AKR1B1: variants seen among roughly 807,000 people sequenced by gnomAD.
The protein encoded by AKR1B1 is aldo-keto reductase family 1 member B.
In AKR1B1, 22 loss-of-function variants were observed where a neutral mutation model predicts 40.4. The ratio of observed to expected loss-of-function variants is 0.54; its 90% confidence interval spans 0.39 to 0.78. The LOEUF (loss-of-function observed/expected upper bound fraction) is 0.78. AKR1B1 is among the 30% of genes least tolerant of loss of function. The pLI, the probability that AKR1B1 is intolerant of heterozygous loss-of-function variation, is 0.00. For missense variants in AKR1B1, 357 were observed against 396.7 expected, an observed-to-expected ratio of 0.90 and a Z score of 0.85; for synonymous variants, 157 against 149.9, an observed-to-expected ratio of 1.05 and a Z score of -0.35.
intron 9 of AKR1B1, chr7:134,444,620 G>A (rs1486385268): frequency 6.3e-6 from 1 of 159,088 alleles, no homozygotes; most frequent in Non-Finnish European, 1.4e-5. Context: ...AAAGCAGAAA[G>A]TGAGTTACAT....
At chr7:134,458,932 C>G (rs1395431640) in intron 1 of AKR1B1, 65 bp downstream of exon 1, 2 of 1,537,566 alleles carry the variant, frequency 1.3e-6, no homozygotes, top group African/African-American at 1.4e-5. Flanking sequence ...CGGGGTCCCT[C>G]GCCAATACAG....
At chr7:134,449,383 A>G (rs2974975) in intron 4 of AKR1B1, 157,308 of 565,232 alleles carry the variant, frequency 0.28, 23,038 homozygotes, top group Admixed American at 0.37. Context: ...TCAGGAGATC[A>G]AGACCATCCT....
Position 134,449,711 on chromosome 7 carries a change from C to G in AKR1B1, c.429+9G>C, listed in dbSNP as rs1158284216. The G allele has an allele frequency of 1.9e-6, 3 of 1,612,440 alleles. No individual in the cohort carries two copies. Among genetic ancestry groups the G allele is most frequent in the Non-Finnish European group, 2.5e-6 (3 of 1,178,564 alleles). On this transcript the variant is annotated intron_variant, in intron 4 of 9. Transcript: ENST00000285930. Reference sequence around the variant, plus strand: ...CACGAAAACAAGGTCCAACCAGGGGCTGTCTTACCGCCCACGTGTCCAGAA... The same window carrying G: ...CACGAAAACAAGGTCCAACCAGGGGGTGTCTTACCGCCCACGTGTCCAGAA...
In AKR1B1 at chr7:134,459,047, G is replaced by C. The variant is rs369925309; in HGVS notation, c.16C>G (p.Leu6Val). MASRL[L>V]LNNGAKMPIL... ...GGCATCTTGGCGCCGTTGTTGAGCA[G>C]GAGACGGCTTGCCATGGCTGCTGCG... Residue 6 changes from leucine to valine, a missense_variant, in exon 1 of 10, where the codon CTG becomes GTG. Leu to Val is a conservative substitution (Grantham distance 32, BLOSUM62 1). Transcript: ENST00000285930. 1 of 1,607,094 alleles carries C rather than the reference G, an allele frequency of 6.2e-7. No individual in the cohort carries two copies. The highest frequency in any genetic ancestry group is 1.7e-4 in the Middle Eastern group (1 of 6,042).
intron 6 of AKR1B1, 101 bp from the exon 7 acceptor site, chr7:134,448,162 A>T (rs1386954902): frequency 9.6e-7 from 1 of 1,043,318 alleles, no homozygotes; most frequent in Non-Finnish European, 1.5e-6. Context: ...GAGGGCAGCC[A>T]CCAGTCTCCT....
chr7:134,458,801 A>G lies in AKR1B1; in HGVS notation c.66+196T>C, dbSNP rs572775153. On this transcript the variant is annotated intron_variant, in intron 1 of 9. Coordinates refer to ENST00000285930, the MANE Select transcript of AKR1B1 (RefSeq NM_001628.4). ...GATGCTGCCCTGACGCCCAGGGCCA[A>G]CCCGGGGAGCCAAGGCCCCCGGTCT... Among the ~76,000 whole-genome samples, 224 of 152,168 alleles carry G rather than the reference A, an allele frequency of 1.5e-3. 1 individual carries two copies. Among genetic ancestry groups the G allele is most frequent in the African/African-American group, 5.2e-3 (217 of 41,540 alleles).
Position 134,448,445 on chromosome 7 carries a change from G to A in AKR1B1, c.601C>T (p.Gln201Ter). Residue 201 changes from glutamine (Q) to a stop codon, truncating the protein, a stop_gained, in exon 6 of 10, where the codon CAG becomes TAG. Coordinates refer to ENST00000285930, the MANE Select transcript of AKR1B1 (RefSeq NM_001628.4). LOFTEE classifies it high-confidence loss of function. Reference sequence around the variant, plus strand: ...GCGGTCACCACGATGCCTTTGGACTGGCAGTACTGGATTAACTTCTCCTGA... The same window carrying A: ...GCGGTCACCACGATGCCTTTGGACTAGCAGTACTGGATTAACTTCTCCTGA... ...LTQEKLIQYC[Q>*]SKGIVVTAYS... 6.2e-7 allele frequency: 1 copy of A among 1,614,016 alleles called. No individual in the cohort carries two copies. The highest frequency in any genetic ancestry group is 1.1e-5 in the South Asian group (1 of 91,062).
rs1172748587 is a variant in AKR1B1, at chr7:134,448,395, G to A, written c.651C>T (p.Asp217=). 2 of 1,613,148 alleles carry A rather than the reference G, an allele frequency of 1.2e-6. No individual in the cohort carries two copies. Among genetic ancestry groups the A allele is most frequent in the Admixed American group, 1.7e-5 (1 of 60,010 alleles). ...VTAYSPLGSP[D]RPWAKPEDPS... The stretch of plus-strand genomic sequence containing the variant: ...GCCTGTGGGAAGCTCACCAGGGCCT[G>A]TCAGGAGAGCCGAGGGGGCTGTAGG... The change falls in exon 6 of 10, where the codon GAC becomes GAT. Residue 217 remains aspartate (D), a synonymous_variant. Transcript: ENST00000285930.
chr7:134,458,377 G>A (rs924655346), intron 1 of AKR1B1, among the ~76,000 whole-genome samples: 1 of 152,124 alleles, frequency 6.6e-6, no homozygotes, highest in Admixed American at 6.5e-5. Flanking sequence ...GGCGGCGCCT[G>A]GCCGAGGAGC....
At chr7:134,456,117 C>G (rs1806462914) in intron 1 of AKR1B1, among the ~76,000 whole-genome samples, 1 of 152,256 alleles carries the variant, frequency 6.6e-6, no homozygotes. Flanking sequence ...CCTCCTCCAG[C>G]TGTCACAAAG....
intron 1 of AKR1B1, among the ~76,000 whole-genome samples, chr7:134,452,197 G>A (rs571596279): frequency 4.5e-4 from 68 of 152,308 alleles, no homozygotes; most frequent in South Asian, 1.0e-3. Flanking sequence ...TTCAGCCAGT[G>A]AATGCCTGCC....
intron 8 of AKR1B1, among the ~76,000 whole-genome samples, chr7:134,446,976 C>T (rs1446987727): frequency 1.3e-5 from 2 of 152,116 alleles, no homozygotes; most frequent in Non-Finnish European, 2.9e-5. Context: ...GCTGACAGAG[C>T]TCCAGTGCAG....
At chr7:134,445,988 A>G (rs1253921943) in intron 8 of AKR1B1, among the ~76,000 whole-genome samples, 2 of 152,274 alleles carry the variant, frequency 1.3e-5, no homozygotes, top group Admixed American at 1.3e-4. Context: ...ACACACTCCC[A>G]GAGCCGAAGG....
At chr7:134,449,236 A>C (rs1806203184) in intron 4 of AKR1B1, 117 bp from the exon 5 acceptor site, 3 of 1,416,642 alleles carry the variant, frequency 2.1e-6, no homozygotes, top group Non-Finnish European at 3.0e-6. Context: ...AGTGAATTAG[A>C]CCTTTCAGAA....
In AKR1B1 at chr7:134,445,250, C is replaced by G. The variant is rs779176563; in HGVS notation, c.896G>C (p.Cys299Ser). ...LLSYNRNWRV[C>S]ALLSCTSHKD... The stretch of plus-strand genomic sequence containing the variant: ...GGGGCTCACTCACCTCAACAAGGCA[C>G]AGACCCTCCAGTTCCTGTTGTAGCT... Residue 299 changes from cysteine (C) to serine (S), a missense_variant, in exon 9 of 10, where the codon TGT (cysteine) becomes TCT (serine). Transcript: ENST00000285930. 5 of 1,611,740 alleles carry G rather than the reference C, an allele frequency of 3.1e-6. No individual in the cohort carries two copies. The highest frequency in any genetic ancestry group is 4.2e-6 in the Non-Finnish European group (5 of 1,179,616).
At position 134,448,601 on chromosome 7, in the gene AKR1B1, A is replaced by G. The variant is rs111896477; in HGVS notation, c.553-108T>C. ...CCCTCCCTACCCCATACAGAAAACT[A>G]TGTATAACAAACACCCTATTTCCCA... is the stretch of plus-strand genomic sequence containing the variant. On this transcript the variant is annotated intron_variant, in intron 5 of 9. Transcript: ENST00000285930. The G allele has an allele frequency of 3.5e-3, 2,921 of 829,794 alleles. 63 individuals carry two copies. In the African/African-American group the frequency reaches 0.043, roughly 12 times the overall value. 51.4% of individuals were successfully genotyped at this position (829,794 alleles called of 1,614,324 possible).
chr7:134,450,892 G>A lies in AKR1B1; in HGVS notation c.245C>T (p.Thr82Met), dbSNP rs754547262. ...ELFIVSKLWC[T>M]YHEKGLVKGA... is the part of the protein sequence containing the mutation. Reference sequence around the variant, plus strand: ...TTTCACCAGGCCCTTCTCATGGTACGTGCACCACAGCTAAGCCAGCGAGAG... The same window carrying A: ...TTTCACCAGGCCCTTCTCATGGTACATGCACCACAGCTAAGCCAGCGAGAG... The change falls in exon 3 of 10, where the codon ACG becomes ATG. Residue 82 changes from threonine (T) to methionine (M), a missense_variant. Thr to Met is a moderately conservative substitution (Grantham distance 81). Transcript: ENST00000285930. 1.5e-5 allele frequency: 24 copies of A among 1,613,806 alleles called. No homozygotes were observed. The highest frequency in any genetic ancestry group is 1.6e-4 in the Middle Eastern group (1 of 6,084).
intron 4 of AKR1B1, 134 bp downstream of exon 4, chr7:134,449,586 C>CA (rs71531826): frequency 0.014 from 9,424 of 688,374 alleles, 13 homozygotes; most frequent in African/African-American, 0.039. Flanking sequence ...GACCCCAACT[C>CA]AAAAAAAAAA....
At chr7:134,450,020 G>C (rs965004663) in intron 3 of AKR1B1, among the ~76,000 whole-genome samples, 10 of 152,226 alleles carry the variant, frequency 6.6e-5, no homozygotes, top group Non-Finnish European at 1.0e-4. Context: ...CTTGGTCACA[G>C]AGACTAGCCC....
Sources: gnomAD v4.1 joint callset for allele counts (sites outside exome capture counted in the v4.1 genomes callset) on GRCh38, gnomAD v4.1.1 for gene constraint, MANE v1.5 for transcripts, NCBI Gene and HGNC (gene_info 2026-07-23, HGNC 2026-07-21) for gene names.